The following NCAM2 variants were observed in gnomAD, a reference collection of about 807,000 sequenced individuals.
NCAM2 encodes the protein neural cell adhesion molecule 2.
A neutral mutation model predicts 98.1 loss-of-function variants in NCAM2; 30 were observed. That is an observed-to-expected ratio of 0.31 (90% CI 0.23 to 0.41). The LOEUF (loss-of-function observed/expected upper bound fraction) is 0.41, where lower values mean the gene tolerates loss of function less well. Ranked by LOEUF, NCAM2 falls within the 10% of genes least tolerant of loss-of-function variation. The pLI is 1.00. For missense variants in NCAM2, 867 were observed against 1,005.8 expected, an observed-to-expected ratio of 0.86 and a Z score of 1.87; for synonymous variants, 368 against 342.4, an observed-to-expected ratio of 1.07 and a Z score of -0.83.
Position 21,252,053 on chromosome 21 carries a change from C to T in NCAM2, c.56-28525C>T, listed in dbSNP as rs189222935. On this transcript the variant is annotated intron_variant, in intron 1 of 17. Transcript: ENST00000400546. ...TTGGGGTTCAAAGGATATGAACAGA[C>T]CCTTTTCAAAAGAAGACATTATGTG... Among the ~76,000 whole-genome samples, 789 of 151,938 alleles carry T rather than the reference C, an allele frequency of 5.2e-3. 9 individuals are homozygous for T. Among genetic ancestry groups the T allele is most frequent in the Middle Eastern group, 0.024 (7 of 294 alleles).
At chr21:21,194,042 A>G (rs935763534) in intron 1 of NCAM2, among the ~76,000 whole-genome samples, 1 of 152,168 alleles carries the variant, frequency 6.6e-6, no homozygotes, top group Non-Finnish European at 1.5e-5. Flanking sequence ...AAAACAAAGC[A>G]ATGAGAAAGA....
chr21:21,420,231 G>T (rs934154079), intron 11 of NCAM2, among the ~76,000 whole-genome samples: 3 of 151,830 alleles, frequency 2.0e-5, no homozygotes, highest in Non-Finnish European at 4.4e-5. Flanking sequence ...ATTTTATTTT[G>T]TATGTATATG....
intron 1 of NCAM2, among the ~76,000 whole-genome samples, chr21:21,159,593 T>C (rs2067719931): frequency 6.6e-6 from 1 of 152,184 alleles, no homozygotes; most frequent in Non-Finnish European, 1.5e-5. Context: ...TATACGTGTT[T>C]ATAGCCTAGG....
intron 5 of NCAM2, among the ~76,000 whole-genome samples, chr21:21,299,143 T>G (rs971943337): frequency 1.3e-4 from 19 of 151,642 alleles, no homozygotes; most frequent in African/African-American, 4.4e-4. Flanking sequence ...TGGAGATGAA[T>G]GGCATTCAGG....
At chr21:21,331,624 G>A (rs570110656) in intron 6 of NCAM2, among the ~76,000 whole-genome samples, 3 of 54,828 alleles carry the variant, frequency 5.5e-5, no homozygotes, top group Admixed American at 2.2e-4. Context: ...ATCTCACTCC[G>A]TCGCCCAGGC....
intron 1 of NCAM2, among the ~76,000 whole-genome samples, chr21:21,101,506 C>T (rs1331532236): frequency 6.6e-6 from 1 of 151,902 alleles, no homozygotes; most frequent in African/African-American, 2.4e-5. Flanking sequence ...GGTTTTCTGC[C>T]CATGTATAAA....
At chr21:21,093,567 A>G (rs1296952102) in intron 1 of NCAM2, among the ~76,000 whole-genome samples, 1 of 152,014 alleles carries the variant, frequency 6.6e-6, no homozygotes, top group African/African-American at 2.4e-5. Flanking sequence ...CATCTTTAAA[A>G]CTTGCATCAC....
At chr21:21,365,610 A>G (rs141337155) in intron 8 of NCAM2, among the ~76,000 whole-genome samples, 1 of 152,172 alleles carries the variant, frequency 6.6e-6, no homozygotes, top group African/African-American at 2.4e-5. Flanking sequence ...TCGATGACAT[A>G]CATGATGGTA....
chr21:21,330,493 G>T (rs2074642994), intron 6 of NCAM2, among the ~76,000 whole-genome samples: 1 of 151,972 alleles, frequency 6.6e-6, no homozygotes, highest in Admixed American at 6.6e-5. Context: ...TCAGGAAATA[G>T]ACTTTTTAAT....
intron 1 of NCAM2, among the ~76,000 whole-genome samples, chr21:21,123,840 C>A: frequency 1.7e-5 from 1 of 58,074 alleles, no homozygotes; most frequent in Admixed American, 2.3e-4. Context: ...TGAATTCATT[C>A]TTGATTGCTT....
At chr21:21,510,075 A>G (rs1463271698) in intron 16 of NCAM2, among the ~76,000 whole-genome samples, 1 of 152,160 alleles carries the variant, frequency 6.6e-6, no homozygotes, top group Non-Finnish European at 1.5e-5. Context: ...CTATTTTGTC[A>G]TATGTTTATT....
chr21:21,235,617 A>G (rs929167281), intron 1 of NCAM2, among the ~76,000 whole-genome samples: 2 of 152,052 alleles, frequency 1.3e-5, no homozygotes, highest in Non-Finnish European at 2.9e-5. Context: ...CAGAAAATTG[A>G]AATAAAAATT....
At chr21:21,244,577 G>A (rs577712501) in intron 1 of NCAM2, among the ~76,000 whole-genome samples, 4 of 152,168 alleles carry the variant, frequency 2.6e-5, no homozygotes, top group South Asian at 2.1e-4. Context: ...GGCCGAGTGC[G>A]GTGGCTCATG....
intron 1 of NCAM2, among the ~76,000 whole-genome samples, chr21:21,008,768 G>A (rs926388058): frequency 2.0e-5 from 3 of 152,060 alleles, no homozygotes; most frequent in Non-Finnish European, 4.4e-5. Flanking sequence ...TTTAATTGGA[G>A]ATCTACCTTT....
intron 1 of NCAM2, among the ~76,000 whole-genome samples, chr21:21,110,500 A>G (rs2066433091): frequency 6.6e-6 from 1 of 151,856 alleles, no homozygotes; most frequent in Non-Finnish European, 1.5e-5. Context: ...GGGACTCTAC[A>G]TATAAAGATA....
chr21:21,045,007 TA>T, intron 1 of NCAM2, among the ~76,000 whole-genome samples: 1 of 152,120 alleles, frequency 6.6e-6, no homozygotes, highest in East Asian at 1.9e-4. Context: ...TATCTATATA[TA>T]AAAACACAGA....
chr21:21,502,666 A>G (rs1404057505), intron 15 of NCAM2, among the ~76,000 whole-genome samples: 2 of 152,034 alleles, frequency 1.3e-5, no homozygotes, highest in Non-Finnish European at 2.9e-5. Flanking sequence ...TAGACTTATC[A>G]CCAATGTGGA....
chr21:21,486,299 G>A (rs1296655868), intron 15 of NCAM2, among the ~76,000 whole-genome samples: 10 of 64,170 alleles, frequency 1.6e-4, no homozygotes, highest in Non-Finnish European at 2.3e-4. Flanking sequence ...GCGAGACTCC[G>A]TCTCAAAAAA....
At chr21:21,134,671 T>C (rs2067004993) in intron 1 of NCAM2, among the ~76,000 whole-genome samples, 1 of 151,526 alleles carries the variant, frequency 6.6e-6, no homozygotes, top group Non-Finnish European at 1.5e-5. Context: ...TAATTTTTCA[T>C]TTCACTTACT....
Sources: allele counts gnomAD v4.1 joint callset (sites outside exome capture counted in the v4.1 genomes callset), GRCh38; gene constraint gnomAD v4.1.1; transcripts MANE v1.5; gene names NCBI Gene and HGNC (gene_info 2026-07-23, HGNC 2026-07-21).